HSD17B4: variants seen among roughly 807,000 people sequenced by gnomAD.
The protein encoded by HSD17B4 is hydroxysteroid 17-beta dehydrogenase 4.
A neutral mutation model predicts 101.0 loss-of-function variants in HSD17B4; 70 were observed. The ratio of observed to expected loss-of-function variants is 0.69; its 90% CI spans 0.57 to 0.85. HSD17B4 has a LOEUF of 0.85. Ranked by LOEUF, HSD17B4 falls within the 40% of genes least tolerant of loss-of-function variation. The pLI, the probability that HSD17B4 is intolerant of heterozygous loss-of-function variation, is 0.00. For missense variants in HSD17B4, 984 were observed against 892.4 expected (o/e 1.10, Z -1.31); for synonymous variants, 347 against 297.1 (o/e 1.17, Z -1.73).
At chr5:119,496,911 TG>T (rs1374168325) in intron 12 of HSD17B4, among the ~76,000 whole-genome samples, 5 of 152,234 alleles carry the variant, frequency 3.3e-5, no homozygotes. Context: ...CATGAAGAGA[TG>T]GCTCAGGATG....
chr5:119,511,556 CTG>C (rs1752169240), intron 16 of HSD17B4, among the ~76,000 whole-genome samples: 2 of 152,010 alleles, frequency 1.3e-5, no homozygotes, highest in African/African-American at 4.8e-5. Flanking sequence ...AACCTTACAA[CTG>C]GGTATGATAC....
At chr5:119,477,154 G>A (rs778281064) in intron 6 of HSD17B4, among the ~76,000 whole-genome samples, 5 of 152,052 alleles carry the variant, frequency 3.3e-5, no homozygotes, top group Non-Finnish European at 5.9e-5. Context: ...TAAAATAAGG[G>A]CGTAGCATTA....
intron 8 of HSD17B4, among the ~76,000 whole-genome samples, chr5:119,482,669 C>G (rs1441957818): frequency 6.6e-6 from 1 of 151,990 alleles, no homozygotes; most frequent in Non-Finnish European, 1.5e-5. Context: ...TGTTTCCTCT[C>G]TGTTCTTGTT....
intron 10 of HSD17B4, chr5:119,492,334 C>T (rs1049766866): frequency 5.1e-6 from 3 of 593,202 alleles, no homozygotes; most frequent in Non-Finnish European, 9.1e-6. Context: ...CCTATCTATT[C>T]TTCCTGTAGG....
chr5:119,471,686 G>C, intron 2 of HSD17B4: 1 of 1,465,670 alleles, frequency 6.8e-7, no homozygotes, highest in Non-Finnish European at 9.1e-7. Flanking sequence ...TCACAATGCA[G>C]ATTCTTTGTT....
In HSD17B4 at chr5:119,473,076, G is replaced by C. The variant is rs141935866; in HGVS notation, c.113-832G>C. Among the ~76,000 whole-genome samples, 190 of 152,110 alleles carry C rather than the reference G, an allele frequency of 1.2e-3. 1 individual carries two copies. The Middle Eastern group carries it at 0.014, about 11-fold the overall frequency. On this transcript the variant is annotated intron_variant, in intron 2 of 23. Transcript: ENST00000510025. The stretch of plus-strand genomic sequence containing the variant: ...CATCTTAGCTATTGTGAATTGTGTT[G>C]CAGTGAACATTGGAGTGCTAATATC...
At position 119,527,181 on chromosome 5, in the gene HSD17B4, A is replaced by T. The variant is rs1449368417; in HGVS notation, c.1729A>T (p.Met577Leu). The T allele has an allele frequency of 1.2e-6, 2 of 1,610,192 alleles. No individual in the cohort carries two copies. Among genetic ancestry groups the T allele is most frequent in the African/African-American group, 1.3e-5 (1 of 74,772 alleles). ...VYPGQTLQTE[M>L]WKEGNRIHFQ... ...TCCAGGACAAACTCTACAAACTGAGATGTGGAAGGAAGGAAACAGAATTCA... is the reference window on the plus strand; with the variant it reads ...TCCAGGACAAACTCTACAAACTGAGTTGTGGAAGGAAGGAAACAGAATTCA... Residue 577 changes from methionine to leucine, a missense_variant, in exon 20 of 24, where the codon ATG (methionine) becomes TTG (leucine). Physicochemically the swap from Met to Leu is conservative, Grantham distance 15. Transcript: ENST00000510025.
chr5:119,473,273 C>CTTTTTTTTTT (rs11408993), intron 2 of HSD17B4, among the ~76,000 whole-genome samples: 103 of 36,824 alleles, frequency 2.8e-3, no homozygotes, highest in East Asian at 3.9e-3. Context: ...GTGGATGAAT[C>CTTTTTTTTTT]TTTTTTTTTT....
At chr5:119,534,322 A>T (rs1034416763) in intron 22 of HSD17B4, among the ~76,000 whole-genome samples, 5 of 152,072 alleles carry the variant, frequency 3.3e-5, no homozygotes, top group African/African-American at 1.2e-4. Context: ...TACTATAATT[A>T]GTTGTGTAGA....
At chr5:119,491,321 T>G (rs1750081328) in intron 9 of HSD17B4, among the ~76,000 whole-genome samples, 1 of 152,182 alleles carries the variant, frequency 6.6e-6, no homozygotes, top group South Asian at 2.1e-4. Flanking sequence ...AGCCACACCC[T>G]TGAACTTAGA....
intron 22 of HSD17B4, among the ~76,000 whole-genome samples, 193 bp downstream of exon 22, chr5:119,531,597 TTG>T (rs1283616942): frequency 1.7e-5 from 2 of 117,212 alleles, no homozygotes; most frequent in Non-Finnish European, 3.6e-5. Flanking sequence ...GTGTGTGTGT[TTG>T]TGTGTGTGTG....
At chr5:119,501,365 T>C (rs534036528) in intron 13 of HSD17B4, among the ~76,000 whole-genome samples, 1 of 151,622 alleles carries the variant, frequency 6.6e-6, no homozygotes, top group African/African-American at 2.4e-5. Flanking sequence ...ACTGGTAAAC[T>C]GGCCCTCTGC....
intron 1 of HSD17B4, among the ~76,000 whole-genome samples, chr5:119,455,825 C>T (rs966724328): frequency 2.0e-5 from 3 of 152,118 alleles, no homozygotes; most frequent in African/African-American, 7.2e-5. Flanking sequence ...GTCATTGGAG[C>T]TGTGCCACAG....
chr5:119,530,462 T>C (rs1355038454), intron 21 of HSD17B4, among the ~76,000 whole-genome samples: 1 of 152,106 alleles, frequency 6.6e-6, no homozygotes, highest in African/African-American at 2.4e-5. Context: ...ATATTAACTT[T>C]GTAATGTTGA....
Position 119,493,805 on chromosome 5 carries a change from T to C in HSD17B4, c.740-13T>C. 1 of 1,611,916 alleles carries C rather than the reference T, an allele frequency of 6.2e-7. No homozygotes were observed. Among genetic ancestry groups the C allele is most frequent in the Non-Finnish European group, 8.5e-7 (1 of 1,178,334 alleles). ...CTATGTGCTCAGTATGTTAGTTTTG[T>C]TTCTATAACCAGTACGCTGGGAGCG... On this transcript the variant is annotated splice_polypyrimidine_tract_variant and intron_variant, in intron 10 of 23. Transcript: ENST00000510025.
chr5:119,465,126 T>C (rs1020279428), intron 2 of HSD17B4, among the ~76,000 whole-genome samples: 17 of 152,168 alleles, frequency 1.1e-4, no homozygotes, highest in African/African-American at 3.1e-4. Context: ...AGAGATTGCA[T>C]TGAACCTGTA....
At chr5:119,489,025 G>T (rs992276219) in intron 8 of HSD17B4, among the ~76,000 whole-genome samples, 167 bp from the exon 9 acceptor site, 1 of 152,136 alleles carries the variant, frequency 6.6e-6, no homozygotes, top group African/African-American at 2.4e-5. Flanking sequence ...AAATGGCTCA[G>T]TTGAGATTAC....
chr5:119,475,587 C>A (rs773996962), intron 4 of HSD17B4, 119 bp from the exon 5 acceptor site: 7 of 778,546 alleles, frequency 9.0e-6, no homozygotes, highest in Non-Finnish European at 1.5e-5. Context: ...CACTCTTTAC[C>A]TATTATATTT....
At chr5:119,534,341 T>G (rs1754364367) in intron 22 of HSD17B4, among the ~76,000 whole-genome samples, 1 of 151,546 alleles carries the variant, frequency 6.6e-6, no homozygotes, top group African/African-American at 2.4e-5. Flanking sequence ...GAGTTAAGTC[T>G]GCATATCTGG....
Sources: gnomAD v4.1 joint callset for allele counts (sites outside exome capture counted in the v4.1 genomes callset) on GRCh38, gnomAD v4.1.1 for gene constraint, MANE v1.5 for transcripts, NCBI Gene and HGNC (gene_info 2026-07-23, HGNC 2026-07-21) for gene names.